The following PCDHGA1 variants were observed in gnomAD, a reference collection of about 807,000 sequenced individuals.
PCDHGA1 encodes the protein protocadherin gamma subfamily A, 1, also known as protocadherin gamma-A1.
Under a neutral mutation model 58.0 loss-of-function variants are expected in PCDHGA1, and 32 were observed. That is an observed-to-expected ratio of 0.55 (90% CI 0.42 to 0.74). The LOEUF is 0.74. Among genes scored for constraint, PCDHGA1 ranks in the 30% least tolerant of loss-of-function variants. The pLI, the probability that PCDHGA1 is intolerant of heterozygous loss-of-function variation, is 0.00. For missense variants in PCDHGA1, 1,205 were observed against 1,182.3 expected, an observed-to-expected ratio of 1.02 and a Z score of -0.28; for synonymous variants, 498 against 501.1, an observed-to-expected ratio of 0.99 and a Z score of 0.08.
At position 141,491,672 on chromosome 5, in the gene PCDHGA1, G is replaced by A. The variant is rs754836157; in HGVS notation, c.2422-3135G>A. The A allele has an allele frequency of 9.9e-6, 16 of 1,613,494 alleles. No homozygotes were observed. The South Asian group carries it at 1.4e-4, about 14-fold the overall frequency. On this transcript the variant is annotated intron_variant, in intron 1 of 3. Transcript: ENST00000517417. This position sits in a 1 kb window ranked among gnomAD's most constrained non-coding sequence, Gnocchi z 6.9. ...CTGGAGCCTGACGCCATCCGGTCCCGCTCTAATACGCTGCGGGAGCGGAGC... is the reference window on the plus strand; with the variant it reads ...CTGGAGCCTGACGCCATCCGGTCCCACTCTAATACGCTGCGGGAGCGGAGC...
chr5:141,490,700 C>T lies in PCDHGA1; in HGVS notation c.2422-4107C>T. The T allele has an allele frequency of 6.2e-7, 1 of 1,614,152 alleles. No individual in the cohort carries two copies. Among genetic ancestry groups the T allele is most frequent in the Non-Finnish European group, 8.5e-7 (1 of 1,179,984 alleles). ...TCAGATCCAGACACTGGGGATAATG[C>T]CCGCCTCACCTACTCCATTGTAGGA... On this transcript the variant is annotated intron_variant, in intron 1 of 3. Transcript: ENST00000517417. This position sits in a 1 kb window ranked among gnomAD's most constrained non-coding sequence, Gnocchi z 5.4.
At chr5:141,341,919 G>T in intron 1 of PCDHGA1, 1 of 157,494 alleles carries the variant, frequency 6.3e-6, no homozygotes, top group Non-Finnish European at 1.4e-5. Context: ...TAACTTGCAT[G>T]CCCTTCCCTG....
chr5:141,331,626 G>A lies in PCDHGA1; in HGVS notation c.942G>A (p.Met314Ile). The change falls in exon 1 of 4, where the codon ATG (methionine) becomes ATA (isoleucine). Residue 314 changes from methionine to isoleucine, a missense_variant. Coordinates refer to ENST00000517417, the MANE Select transcript of PCDHGA1 (RefSeq NM_018912.3). ...CACTAGATTTCGAAGAATACAAAAT[G>A]TATTCAATGGAAGTTCAAGCCCAGG... ...KEPLDFEEYK[M>I]YSMEVQAQDG... The A allele has an allele frequency of 1.9e-6, 3 of 1,614,100 alleles. No homozygotes were observed. Among genetic ancestry groups the A allele is most frequent in the Non-Finnish European group, 2.5e-6 (3 of 1,180,014 alleles).
rs767580455 is a variant in PCDHGA1 at position 141,402,948 on chromosome 5, C to G, written c.2421+69843C>G. The G allele has an allele frequency of 7.5e-6, 12 of 1,592,864 alleles. No individual in the cohort carries two copies. In the African/African-American group the frequency reaches 1.2e-4, roughly 16 times the overall value. On this transcript the variant is annotated intron_variant, in intron 1 of 3. Transcript: ENST00000517417. ...CTTTTGAGAAAATTCCAAAGCGAGG[C>G]AGCAATGGCAGCTCCAACCAAATGC... is the stretch of plus-strand genomic sequence containing the variant.
At position 141,353,509 on chromosome 5, in the gene PCDHGA1, A is replaced by G. The variant is rs537109889; in HGVS notation, c.2421+20404A>G. 3.3e-5 allele frequency among the ~76,000 whole-genome samples: 5 copies of G among 152,308 alleles called. No homozygotes were observed. In the East Asian group the frequency reaches 9.6e-4, roughly 29 times the overall value. ...CACTTTGTCTCATCACAAGTAGCAA[A>G]TATTGTCCAATTTTATATTTGCATC... On this transcript the variant is annotated intron_variant, in intron 1 of 3. Transcript: ENST00000517417.
In PCDHGA1 at chr5:141,330,903, G is replaced by A. The variant is rs1410703413; in HGVS notation, c.219G>A (p.Pro73=). ...GVRIVSRGRM[P]LFALNPRSGS... The stretch of plus-strand genomic sequence containing the variant: ...GCATCGTCTCCAGAGGTAGGATGCC[G>A]CTTTTCGCTCTGAATCCTAGAAGTG... The change falls in exon 1 of 4, where the codon CCG becomes CCA. Residue 73 remains proline, a synonymous_variant. Coordinates refer to ENST00000517417, the MANE Select transcript of PCDHGA1 (RefSeq NM_018912.3). 6.2e-7 allele frequency: 1 copy of A among 1,614,228 alleles called. No homozygotes were observed. Among genetic ancestry groups the A allele is most frequent in the Non-Finnish European group, 8.5e-7 (1 of 1,180,030 alleles).
intron 1 of PCDHGA1, chr5:141,352,653 C>T (rs200777796): frequency 1.3e-6 from 2 of 1,597,500 alleles, no homozygotes; most frequent in Non-Finnish European, 8.5e-7. Flanking sequence ...GCTTATGACC[C>T]TTCTTTGTCT....
chr5:141,340,969 C>G (rs754484790), intron 1 of PCDHGA1: 3 of 1,613,816 alleles, frequency 1.9e-6, no homozygotes, highest in East Asian at 2.2e-5. Context: ...CCGTGGCCGA[C>G]AGGATCCCCG....
rs1374190670 is a variant in PCDHGA1 at position 141,487,196 on chromosome 5, G to C, written c.2422-7611G>C. ...GGAAGACACTCATCCAGTTGTCCCAGATCTTCGAGAATCTTCAGCTCCAAG... is the reference window on the plus strand; with the variant it reads ...GGAAGACACTCATCCAGTTGTCCCACATCTTCGAGAATCTTCAGCTCCAAG... On this transcript the variant is annotated intron_variant, in intron 1 of 3. Coordinates refer to ENST00000517417, the MANE Select transcript of PCDHGA1 (RefSeq NM_018912.3). The surrounding 1 kb of genome is among the most constrained non-coding windows in gnomAD (Gnocchi z 5.0). 6.2e-7 allele frequency: 1 copy of C among 1,613,878 alleles called. No homozygotes were observed. Among genetic ancestry groups the C allele is most frequent in the Admixed American group, 1.7e-5 (1 of 60,030 alleles).
At chr5:141,470,942 C>T (rs1156728317) in intron 1 of PCDHGA1, among the ~76,000 whole-genome samples, 1 of 152,020 alleles carries the variant, frequency 6.6e-6, no homozygotes, top group Non-Finnish European at 1.5e-5. Context: ...GTCTCAAATT[C>T]CTGGCCTCAA....
intron 1 of PCDHGA1, chr5:141,389,998 T>G: frequency 6.2e-7 from 1 of 1,614,046 alleles, no homozygotes; most frequent in Non-Finnish European, 8.5e-7. Flanking sequence ...CTCGTGGCCA[T>G]GATTCTGGCC....
At chr5:141,438,334 A>G (rs756299924) in intron 1 of PCDHGA1, among the ~76,000 whole-genome samples, 6 of 151,946 alleles carry the variant, frequency 3.9e-5, no homozygotes, top group Non-Finnish European at 7.4e-5. Context: ...TATACATGTC[A>G]TATAAGGATC....
At chr5:141,494,524 C>T (rs2099754936) in intron 1 of PCDHGA1, among the ~76,000 whole-genome samples, 1 of 152,156 alleles carries the variant, frequency 6.6e-6, no homozygotes, top group African/African-American at 2.4e-5. Flanking sequence ...GGAGTTCTGA[C>T]TCTGGGGGCA....
At position 141,333,035 on chromosome 5, in the gene PCDHGA1, G is replaced by T. The variant is rs769509623; in HGVS notation, c.2351G>T (p.Ser784Ile). 1 of 1,614,220 alleles carries T rather than the reference G, an allele frequency of 6.2e-7. No homozygotes were observed. Among genetic ancestry groups the T allele is most frequent in the Non-Finnish European group, 8.5e-7 (1 of 1,180,044 alleles). Residue 784 changes from serine (S) to isoleucine (I), a missense_variant, in exon 1 of 4, where the codon AGC becomes ATC. Coordinates refer to ENST00000517417, the MANE Select transcript of PCDHGA1 (RefSeq NM_018912.3). ...GCGGACACACTCATCAGCCAGGAGA[G>T]CTGTGAGAAAAAGGGTTTTCTATCA... ...NYADTLISQESCEKKGFLSAP... is the reference protein window; with the variant it reads ...NYADTLISQEICEKKGFLSAP...
At chr5:141,418,343 A>G in intron 1 of PCDHGA1, 1 of 1,614,010 alleles carries the variant, frequency 6.2e-7, no homozygotes, top group Non-Finnish European at 8.5e-7. Flanking sequence ...AGATCCTGAT[A>G]TTAGTATGAA....
At chr5:141,354,916 A>G (rs916741222) in intron 1 of PCDHGA1, 3 of 411,270 alleles carry the variant, frequency 7.3e-6, no homozygotes, top group African/African-American at 6.2e-5. Flanking sequence ...AAAAGTGTAT[A>G]AAAAATAAAC....
At chr5:141,495,810 C>A (rs1003475681) in intron 2 of PCDHGA1, among the ~76,000 whole-genome samples, 2 of 152,088 alleles carry the variant, frequency 1.3e-5, no homozygotes, top group African/African-American at 4.8e-5. Flanking sequence ...CGTTTCCTAG[C>A]GCCTTGTGTT....
chr5:141,384,812 T>C, intron 1 of PCDHGA1: 1 of 1,613,428 alleles, frequency 6.2e-7, no homozygotes, highest in African/African-American at 1.3e-5. Context: ...AGAGATGCCC[T>C]CAAGCAGAGC....
At position 141,389,262 on chromosome 5, in the gene PCDHGA1, G is replaced by A. The variant is rs1017721134; in HGVS notation, c.2421+56157G>A. On this transcript the variant is annotated intron_variant, in intron 1 of 3. Coordinates refer to ENST00000517417, the MANE Select transcript of PCDHGA1 (RefSeq NM_018912.3). Reference sequence around the variant, plus strand: ...ACAGTCTTCCTATATAGTCCACGTGGCCGAGAACAACCCGCCTGGAGCCTC... The same window carrying A: ...ACAGTCTTCCTATATAGTCCACGTGACCGAGAACAACCCGCCTGGAGCCTC... 5 of 1,613,910 alleles carry A rather than the reference G, an allele frequency of 3.1e-6. No individual in the cohort carries two copies. The highest frequency in any genetic ancestry group is 1.3e-5 in the African/African-American group (1 of 74,940).
Sources: allele counts gnomAD v4.1 joint callset (sites outside exome capture counted in the v4.1 genomes callset), GRCh38; gene constraint gnomAD v4.1.1; non-coding constraint Gnocchi (gnomAD v3.1); transcripts MANE v1.5; gene names NCBI Gene and HGNC (gene_info 2026-07-23, HGNC 2026-07-21).